Variants in CHAF1A observed in about 807,000 individuals in gnomAD.
CHAF1A encodes CAF-1 subunit A.
A neutral mutation model predicts 93.2 loss-of-function variants in CHAF1A; 5 were observed. The ratio of observed to expected loss-of-function variants is 0.05; its 90% confidence interval spans 0.03 to 0.11. CHAF1A has a LOEUF of 0.11. Ranked by LOEUF, CHAF1A falls within the 10% of genes least tolerant of loss-of-function variation. The pLI, the probability that CHAF1A is intolerant of heterozygous loss-of-function variation, is 1.00. For missense variants in CHAF1A, 1,102 were observed against 1,259.9 expected (o/e 0.87, Z 1.90); for synonymous variants, 504 against 510.3 (o/e 0.99, Z 0.17).
At chr19:4,427,290 C>G (rs1351332617) in intron 7 of CHAF1A, among the ~76,000 whole-genome samples, 7 of 147,658 alleles carry the variant, frequency 4.7e-5, no homozygotes, top group Non-Finnish European at 7.5e-5. Context: ...GCTGGGACTA[C>G]AGGTGCCCAC....
chr19:4,403,277 C>T (rs1026887737), intron 1 of CHAF1A, among the ~76,000 whole-genome samples: 1 of 152,168 alleles, frequency 6.6e-6, no homozygotes, highest in South Asian at 2.1e-4. Flanking sequence ...AAGAAGAGGC[C>T]CAGATGGTAG....
downstream of CHAF1A, chr19:4,447,356 G>T: frequency 1.6e-6 from 1 of 611,250 alleles, no homozygotes; most frequent in Non-Finnish European, 2.9e-6. Flanking sequence ...TTGATTTGGG[G>T]TGACCGGTGC....
At chr19:4,411,280 A>T (rs1241486642) in intron 3 of CHAF1A, among the ~76,000 whole-genome samples, 2 of 152,068 alleles carry the variant, frequency 1.3e-5, no homozygotes, top group Non-Finnish European at 2.9e-5. Flanking sequence ...CCCAGGCTGG[A>T]GTACAATGGC....
intron 3 of CHAF1A, among the ~76,000 whole-genome samples, chr19:4,411,644 CTTTTTTTTTTTTT>C (rs66491258): frequency 2.1e-5 from 1 of 48,204 alleles, no homozygotes; most frequent in South Asian, 7.8e-4. Flanking sequence ...TGGTGCAAAT[CTTTTTTTTTTTTT>C]TTTTTTTTGA....
Position 4,440,610 on chromosome 19 carries a change from A to G in CHAF1A, c.2674-1635A>G, listed in dbSNP as rs188035577. Among the ~76,000 whole-genome samples the G allele has an allele frequency of 2.6e-3, 389 of 152,174 alleles. 3 individuals carry two copies. Among genetic ancestry groups the G allele is most frequent in the African/African-American group, 8.8e-3 (365 of 41,510 alleles). On this transcript the variant is annotated intron_variant, in intron 13 of 14. Transcript: ENST00000301280. ...TCACAAGTCACAGTCATCACTTCAC[A>G]TCAGGGACGTGTTCTGAGAGGTGTC... is the stretch of plus-strand genomic sequence containing the variant.
chr19:4,408,072 C>T (rs1021237815), intron 2 of CHAF1A, among the ~76,000 whole-genome samples: 31 of 151,558 alleles, frequency 2.0e-4, no homozygotes, highest in African/African-American at 7.3e-4. Context: ...AGTTGCACCA[C>T]CACAGCTCAC....
At chr19:4,445,942 C>T (rs759070495), downstream of CHAF1A, 2 of 1,488,086 alleles carry the variant, frequency 1.3e-6, no homozygotes, top group Non-Finnish European at 1.8e-6. Context: ...CTGCCCAGGC[C>T]CCCTGCTCTG....
chr19:4,413,587 G>A (rs1184201379), intron 3 of CHAF1A, among the ~76,000 whole-genome samples: 1 of 152,202 alleles, frequency 6.6e-6, no homozygotes, highest in African/African-American at 2.4e-5. Context: ...TCTTCCTTGA[G>A]TTGGTACAGT....
At chr19:4,445,641 C>G, downstream of CHAF1A, 1 of 1,609,670 alleles carries the variant, frequency 6.2e-7, no homozygotes, top group Admixed American at 1.7e-5. Flanking sequence ...AGGGGTAGGC[C>G]GTCACTCTGA....
At chr19:4,427,136 CTTTTTTTTTTTTTTT>C (rs747750687) in intron 7 of CHAF1A, among the ~76,000 whole-genome samples, 3 of 31,948 alleles carry the variant, frequency 9.4e-5, no homozygotes, top group East Asian at 1.5e-3. Flanking sequence ...AAGACCCTGT[CTTTTTTTTTTTTTTT>C]TTTTTTTTTT....
intron 1 of CHAF1A, among the ~76,000 whole-genome samples, chr19:4,403,445 C>A (rs1973623970): frequency 6.6e-6 from 1 of 152,264 alleles, no homozygotes; most frequent in Non-Finnish European, 1.5e-5. Flanking sequence ...GTCCCTCTCC[C>A]TTGCTGGACT....
chr19:4,432,343 TGTACATGTCC>T, intron 12 of CHAF1A, 136 bp downstream of exon 12: 1 of 1,035,378 alleles, frequency 9.7e-7, no homozygotes, highest in Non-Finnish European at 1.4e-6. Flanking sequence ...GCCCTTTTCC[TGTACATGTCC>T]GTACGTTCAA....
rs1040121403 is a variant in CHAF1A, at chr19:4,430,130, C to T, written c.1854+342C>T. ...TGACCTAGTGGGCTTTCTGCCGATG[C>T]TCACCGTGTCTGTCGGGAGGCCATG... On this transcript the variant is annotated intron_variant, in intron 10 of 14. Transcript: ENST00000301280. 7 of 357,054 alleles carry T rather than the reference C, an allele frequency of 2.0e-5. No individual in the cohort carries two copies. In the East Asian group the frequency reaches 4.6e-4, roughly 23 times the overall value. 22.1% of individuals were successfully genotyped at this position (357,054 alleles called of 1,614,324 possible).
At chr19:4,447,325 G>A (rs1974555190), downstream of CHAF1A, 1 of 589,390 alleles carries the variant, frequency 1.7e-6, no homozygotes, top group Non-Finnish European at 3.0e-6. Flanking sequence ...AAAGGATGCA[G>A]GTGAGGAGAG....
chr19:4,436,110 G>A (rs1280518815), intron 13 of CHAF1A, among the ~76,000 whole-genome samples: 1 of 151,916 alleles, frequency 6.6e-6, no homozygotes, highest in Non-Finnish European at 1.5e-5. Context: ...TTGTACTCGA[G>A]CCTGGGCAAC....
chr19:4,444,477 GGA>G (rs1302167197), downstream of CHAF1A: 3 of 152,378 alleles, frequency 2.0e-5, no homozygotes, highest in Non-Finnish European at 4.4e-5. Flanking sequence ...AGGCCCTCCT[GGA>G]GAGTTTCCCA....
At chr19:4,446,421 C>G, downstream of CHAF1A, 1 of 1,576,704 alleles carries the variant, frequency 6.3e-7, no homozygotes, top group Non-Finnish European at 8.6e-7. Flanking sequence ...GACCTGCACA[C>G]GCGGGCCAGG....
At chr19:4,427,013 C>T (rs1032881578) in intron 7 of CHAF1A, among the ~76,000 whole-genome samples, 2 of 151,126 alleles carry the variant, frequency 1.3e-5, no homozygotes, top group African/African-American at 4.9e-5. Flanking sequence ...AATCGCCCAA[C>T]CCAGGAGGCA....
chr19:4,446,548 T>A (rs750611562), downstream of CHAF1A: 7 of 1,612,048 alleles, frequency 4.3e-6, no homozygotes, highest in South Asian at 3.3e-5. Context: ...GTTGAAGAAG[T>A]CCCCAGGCAG....
Sources: allele counts gnomAD v4.1 joint callset (sites outside exome capture counted in the v4.1 genomes callset), GRCh38; gene constraint gnomAD v4.1.1; transcripts MANE v1.5; gene names NCBI Gene and HGNC (gene_info 2026-07-23, HGNC 2026-07-21).